Variants in KLHL29 observed in about 807,000 individuals in gnomAD.
The protein encoded by KLHL29 is kelch-like protein 29.
A neutral mutation model predicts 80.4 loss-of-function variants in KLHL29; 21 were observed. The observed-to-expected ratio is 0.26, with a 90% confidence interval of 0.19 to 0.38. KLHL29 has a LOEUF of 0.38. KLHL29 is among the 10% of genes least tolerant of loss of function. KLHL29 has a pLI of 1.00. For missense variants in KLHL29, 867 were observed against 1,223.9 expected (o/e 0.71, Z 4.35); for synonymous variants, 511 against 526.8 (o/e 0.97, Z 0.41).
chr2:23,549,425 C>A (rs1340704778), intron 2 of KLHL29, among the ~76,000 whole-genome samples: 1 of 151,908 alleles, frequency 6.6e-6, no homozygotes, highest in Non-Finnish European at 1.5e-5. Flanking sequence ...ATAAAACACA[C>A]AACCTCGCAA....
intron 1 of KLHL29, among the ~76,000 whole-genome samples, chr2:23,413,572 T>C (rs1264993362): frequency 6.6e-6 from 1 of 152,220 alleles, no homozygotes; most frequent in Non-Finnish European, 1.5e-5. Flanking sequence ...AATGCCTCTC[T>C]AATGCCAAAA....
chr2:23,609,457 T>C (rs1033831826), intron 3 of KLHL29, among the ~76,000 whole-genome samples: 3 of 152,056 alleles, frequency 2.0e-5, no homozygotes, highest in Non-Finnish European at 4.4e-5. Flanking sequence ...GACCACATCC[T>C]GAGGGCTGTG....
intron 1 of KLHL29, among the ~76,000 whole-genome samples, chr2:23,468,773 A>G (rs1664418875): frequency 6.6e-6 from 1 of 152,346 alleles, no homozygotes; most frequent in Middle Eastern, 3.4e-3. Context: ...AACCGGGCCA[A>G]CAGTTCCAGG....
intron 3 of KLHL29, among the ~76,000 whole-genome samples, chr2:23,599,416 A>G (rs1365931328): frequency 6.6e-6 from 1 of 152,130 alleles, no homozygotes; most frequent in Non-Finnish European, 1.5e-5. Context: ...GTTTAGTTAT[A>G]TTTTCAACTA....
intron 2 of KLHL29, among the ~76,000 whole-genome samples, chr2:23,557,797 C>T (rs1198900736): frequency 2.6e-5 from 4 of 152,026 alleles, no homozygotes; most frequent in Admixed American, 6.6e-5. Context: ...GCTTCTTTGG[C>T]GATATGTGAG....
intron 2 of KLHL29, among the ~76,000 whole-genome samples, chr2:23,501,361 C>T (rs1479182889): frequency 1.3e-5 from 2 of 151,960 alleles, no homozygotes; most frequent in East Asian, 1.9e-4. Flanking sequence ...CAGCTGGTCC[C>T]GGGGAAAGAG....
At chr2:23,609,078 C>G (rs1211967359) in intron 3 of KLHL29, among the ~76,000 whole-genome samples, 1 of 152,174 alleles carries the variant, frequency 6.6e-6, no homozygotes, top group African/African-American at 2.4e-5. Flanking sequence ...TTCTATCAAC[C>G]TGTTCCCCTG....
At chr2:23,665,057 G>C (rs751779277) in intron 5 of KLHL29, among the ~76,000 whole-genome samples, 81 of 152,250 alleles carry the variant, frequency 5.3e-4, no homozygotes, top group Admixed American at 1.6e-3. Context: ...TGGTGACTCG[G>C]GTGGCTGGTG....
intron 1 of KLHL29, among the ~76,000 whole-genome samples, chr2:23,402,888 C>G (rs559221391): frequency 1.3e-5 from 2 of 150,756 alleles, no homozygotes; most frequent in East Asian, 3.9e-4. Flanking sequence ...ACATATGTAT[C>G]CCTGATTTCT....
chr2:23,643,611 G>C (rs1669838998), intron 5 of KLHL29: 1 of 156,394 alleles, frequency 6.4e-6, no homozygotes. Flanking sequence ...CTTGATGTCT[G>C]TCTGAGGGAT....
At chr2:23,642,987 GC>G in intron 5 of KLHL29, 137 bp downstream of exon 5, 1 of 1,001,138 alleles carries the variant, frequency 1.0e-6, no homozygotes, top group Non-Finnish European at 1.5e-6. Flanking sequence ...CTGCAGTGGA[GC>G]CTCCACCTGC....
rs1558454627 is a variant in KLHL29, at chr2:23,706,744, C to A, written c.*80C>A. 4.8e-6 allele frequency: 5 copies of A among 1,039,972 alleles called. No individual in the cohort carries two copies. In the African/African-American group the frequency reaches 6.5e-5, roughly 14 times the overall value. The allele number at this position is 1,039,972 out of a possible 1,614,324, so 64.4% of individuals were successfully genotyped here. On this transcript the variant is annotated 3_prime_UTR_variant, in exon 14 of 14. Coordinates refer to ENST00000486442, the MANE Select transcript of KLHL29 (RefSeq NM_052920.2). ...ACGCAATGATAATTTTCCAGCGACA[C>A]CAACAAGAGGCCAACAAAACACAAT...
intron 2 of KLHL29, among the ~76,000 whole-genome samples, chr2:23,476,674 A>G (rs968149047): frequency 3.3e-5 from 5 of 152,228 alleles, no homozygotes; most frequent in African/African-American, 9.6e-5. Context: ...ATATTTCACT[A>G]TTACAAATAA....
At chr2:23,510,671 C>G (rs1665740958) in intron 2 of KLHL29, among the ~76,000 whole-genome samples, 1 of 152,202 alleles carries the variant, frequency 6.6e-6, no homozygotes, top group Non-Finnish European at 1.5e-5. Flanking sequence ...GAGAGCAGAG[C>G]TTAGTGAGTG....
chr2:23,564,639 A>G (rs1814367), intron 3 of KLHL29, among the ~76,000 whole-genome samples: 126,780 of 152,224 alleles, frequency 0.83, 53,075 homozygotes, highest in East Asian at 1. Flanking sequence ...GCTCCTGCCC[A>G]CCCAGAGGCC....
rs555731488 is a variant in KLHL29 at position 23,562,665 on chromosome 2, A to C, written c.285+184A>C. On this transcript the variant is annotated intron_variant, in intron 3 of 13. Coordinates refer to ENST00000486442, the MANE Select transcript of KLHL29 (RefSeq NM_052920.2). This position sits in a 1 kb window ranked among gnomAD's most constrained non-coding sequence, Gnocchi z 4.5. Reference sequence around the variant, plus strand: ...TGCGAGCATTCATGCGGGTTTTATTATCCATGAAGTCTTTCTCTGTGACTA... The same window carrying C: ...TGCGAGCATTCATGCGGGTTTTATTCTCCATGAAGTCTTTCTCTGTGACTA... Among the ~76,000 whole-genome samples, 2 of 152,268 alleles carry C rather than the reference A, an allele frequency of 1.3e-5. No individual in the cohort carries two copies. The highest frequency in any genetic ancestry group is 4.8e-5 in the African/African-American group (2 of 41,538).
At chr2:23,453,155 A>G (rs542197393) in intron 1 of KLHL29, among the ~76,000 whole-genome samples, 3 of 152,042 alleles carry the variant, frequency 2.0e-5, no homozygotes, top group East Asian at 1.9e-4. Context: ...TTTCTTGTCT[A>G]TGCCTACGAT....
chr2:23,486,086 G>C (rs748061770), intron 2 of KLHL29, among the ~76,000 whole-genome samples: 2 of 152,150 alleles, frequency 1.3e-5, no homozygotes, highest in African/African-American at 4.8e-5. Context: ...CGTAGGGGAT[G>C]TCTGTCTGTT....
chr2:23,562,791 C>T lies in KLHL29; in HGVS notation c.285+310C>T, dbSNP rs1185119797. Among the ~76,000 whole-genome samples the T allele has an allele frequency of 6.6e-6, 1 of 152,140 alleles. No individual in the cohort carries two copies. Among genetic ancestry groups the T allele is most frequent in the Admixed American group, 6.5e-5 (1 of 15,280 alleles). On this transcript the variant is annotated intron_variant, in intron 3 of 13. Coordinates refer to ENST00000486442, the MANE Select transcript of KLHL29 (RefSeq NM_052920.2). The surrounding 1 kb of genome is among the most constrained non-coding windows in gnomAD (Gnocchi z 4.5). ...AAGTAACAGTGGACCTCCAAGATGG[C>T]AATATGGGGTTCCTAAATAGATAAA...
Sources: allele counts gnomAD v4.1 joint callset (sites outside exome capture counted in the v4.1 genomes callset), GRCh38; gene constraint gnomAD v4.1.1; non-coding constraint Gnocchi (gnomAD v3.1); transcripts MANE v1.5; gene names NCBI Gene and HGNC (gene_info 2026-07-23, HGNC 2026-07-21).